DNAH14: variants seen among roughly 807,000 people sequenced by gnomAD.
DNAH14 encodes the protein axonemal beta dynein heavy chain 14.
A neutral mutation model predicts 520.9 loss-of-function variants in DNAH14; 478 were observed. The observed-to-expected ratio is 0.92, with a 90% CI of 0.85 to 0.99. DNAH14 has a LOEUF of 0.99. DNAH14 is among the 50% of genes least tolerant of loss of function. The probability of loss-of-function intolerance (pLI) is 0.00; values close to 1 mark genes in which losing one functional copy is unlikely to be tolerated. For missense variants in DNAH14, 4,831 were observed against 5,234.5 expected (o/e 0.92, Z 2.38); for synonymous variants, 1,581 against 1,757.2 (o/e 0.90, Z 2.51).
chr1:225,182,197 CATAAA>C (rs1436790103), intron 36 of DNAH14, among the ~76,000 whole-genome samples: 4 of 151,954 alleles, frequency 2.6e-5, no homozygotes, highest in African/African-American at 4.8e-5. Flanking sequence ...GACTTCATCT[CATAAA>C]ATAAAATAAA....
chr1:225,268,177 T>C (rs1450658591), intron 49 of DNAH14, among the ~76,000 whole-genome samples: 1 of 152,126 alleles, frequency 6.6e-6, no homozygotes, highest in African/African-American at 2.4e-5. Flanking sequence ...TCGTTTTGTT[T>C]TTAAATCAAT....
At chr1:224,930,408 T>C (rs1052452587) in intron 1 of DNAH14, among the ~76,000 whole-genome samples, 1 of 152,152 alleles carries the variant, frequency 6.6e-6, no homozygotes, top group African/African-American at 2.4e-5. Context: ...ACAGCGGTAG[T>C]CCCATAAGAT....
intron 48 of DNAH14, 35 bp from the exon 49 acceptor site, chr1:225,266,606 A>AAT: frequency 7.2e-7 from 1 of 1,389,770 alleles, no homozygotes; most frequent in Middle Eastern, 1.9e-4. Flanking sequence ...AAGGTGTACT[A>AAT]ATATATATGT....
chr1:225,194,555 T>C (rs564614045), intron 38 of DNAH14, among the ~76,000 whole-genome samples: 1 of 152,178 alleles, frequency 6.6e-6, no homozygotes, highest in East Asian at 1.9e-4. Context: ...ATGATTTACA[T>C]GTAAAACTTG....
chr1:225,045,650 G>A (rs2067891292), intron 15 of DNAH14, among the ~76,000 whole-genome samples: 1 of 151,994 alleles, frequency 6.6e-6, no homozygotes, highest in African/African-American at 2.4e-5. Context: ...ATGAGTTTGA[G>A]GATATACATC....
At position 225,270,753 on chromosome 1, in the gene DNAH14, A is replaced by G. The variant is rs1235191561; in HGVS notation, c.7558A>G (p.Ile2520Val). 3.9e-6 allele frequency: 6 copies of G among 1,551,322 alleles called. No individual in the cohort carries two copies. The South Asian group carries it at 7.1e-5, about 18-fold the overall frequency. ...ATCACAGAATATTCAAGATCTGTCT[A>G]TAGTTGCAGCTTGTGTTCCAGTTGT... ...NTWKNIQDLSIVAACVPVVND... is the reference protein window; with the variant it reads ...NTWKNIQDLSVVAACVPVVND... The change falls in exon 50 of 86, where the codon ATA becomes GTA. Residue 2520 changes from isoleucine (I) to valine (V), a missense_variant. Transcript: ENST00000682510.
chr1:225,113,610 A>G (rs76190569), intron 23 of DNAH14, among the ~76,000 whole-genome samples: 1,669 of 152,310 alleles, frequency 0.011, 17 homozygotes, highest in Non-Finnish European at 0.016. Flanking sequence ...CAGAGATGCC[A>G]TCTGGGAACC....
intron 36 of DNAH14, among the ~76,000 whole-genome samples, chr1:225,180,944 A>T (rs1201523854): frequency 6.6e-6 from 1 of 152,160 alleles, no homozygotes; most frequent in Non-Finnish European, 1.5e-5. Context: ...AACATAGTAC[A>T]CAATAGGAAT....
intron 58 of DNAH14, among the ~76,000 whole-genome samples, chr1:225,306,612 C>G (rs1558328972): frequency 6.6e-6 from 1 of 152,102 alleles, no homozygotes. Flanking sequence ...TCAGTATGAC[C>G]AGTCCCTATC....
intron 79 of DNAH14, 103 bp from the exon 80 acceptor site, chr1:225,380,056 A>T (rs1575115575): frequency 7.9e-7 from 1 of 1,257,900 alleles, no homozygotes; most frequent in Non-Finnish European, 1.1e-6. Flanking sequence ...AACACTAAAC[A>T]TATTCCTCCT....
chr1:225,205,474 C>A (rs962547038), intron 39 of DNAH14, among the ~76,000 whole-genome samples: 55 of 152,168 alleles, frequency 3.6e-4, no homozygotes, highest in African/African-American at 1.3e-3. Context: ...ATAAGCTACC[C>A]AGTCTAAGGC....
chr1:225,174,619 A>G lies in DNAH14; in HGVS notation c.5535+6591A>G, dbSNP rs77680343. Among the ~76,000 whole-genome samples, 761 of 152,318 alleles carry G rather than the reference A, an allele frequency of 5.0e-3. 6 individuals carry two copies. Among genetic ancestry groups the G allele is most frequent in the African/African-American group, 0.017 (718 of 41,574 alleles). On this transcript the variant is annotated intron_variant, in intron 36 of 85. Transcript: ENST00000682510. ...GTATAGATGATCATGTCATCTGCAA[A>G]CAGGACAGCTTAAATTTCTCCTTTC...
rs111941528 is a variant in DNAH14 at position 225,167,923 on chromosome 1, A to G, written c.5446-16A>G. On this transcript the variant is annotated splice_polypyrimidine_tract_variant and intron_variant, in intron 35 of 85. Coordinates refer to ENST00000682510, the MANE Select transcript of DNAH14 (RefSeq NM_001367479.1). ...TTTGCAATGCATTTTAAATTTATGT[A>G]TTTATTTCCTTTTAGAAAGTAATAT... The G allele has an allele frequency of 7.4e-4, 1,047 of 1,406,672 alleles. 8 individuals are homozygous for G. In the African/African-American group the frequency reaches 0.013, roughly 18 times the overall value. The allele number at this position is 1,406,672 out of a possible 1,614,324, so 87.1% of individuals were successfully genotyped here. A position where few individuals can be genotyped will look rare whatever the true frequency, so the allele number is the denominator to read the frequency against.
intron 55 of DNAH14, among the ~76,000 whole-genome samples, chr1:225,293,065 G>A (rs1171475004): frequency 6.6e-6 from 1 of 151,856 alleles, no homozygotes; most frequent in Non-Finnish European, 1.5e-5. Context: ...ACAATTATAT[G>A]TTAAAAAGCT....
At chr1:224,993,205 T>C (rs970708711) in intron 8 of DNAH14, among the ~76,000 whole-genome samples, 52 of 152,088 alleles carry the variant, frequency 3.4e-4, no homozygotes, top group African/African-American at 1.2e-3. Context: ...TGGATCATGA[T>C]AGTGCTGGGC....
At chr1:225,177,205 C>T (rs2149267957) in intron 36 of DNAH14, among the ~76,000 whole-genome samples, 1 of 152,218 alleles carries the variant, frequency 6.6e-6, no homozygotes, top group East Asian at 1.9e-4. Context: ...TTTGCCCCTG[C>T]CCTAGAGATT....
chr1:225,357,527 T>G lies in DNAH14; in HGVS notation c.11620-969T>G, dbSNP rs1408005839. 2.6e-5 allele frequency among the ~76,000 whole-genome samples: 4 copies of G among 152,326 alleles called. No homozygotes were observed. In the East Asian group the frequency reaches 7.7e-4, roughly 29 times the overall value. Reference sequence around the variant, plus strand: ...CTCAACGATTCTAACACTGTCTCACTAACTGGGTATTCTAAGTGAACTCTG... The same window carrying G: ...CTCAACGATTCTAACACTGTCTCACGAACTGGGTATTCTAAGTGAACTCTG... On this transcript the variant is annotated intron_variant, in intron 73 of 85. Transcript: ENST00000682510.
intron 15 of DNAH14, among the ~76,000 whole-genome samples, chr1:225,049,266 T>C (rs1004198335): frequency 5.3e-5 from 8 of 152,064 alleles, no homozygotes; most frequent in African/African-American, 1.9e-4. Context: ...TTTCACCATC[T>C]TGGCCATGTT....
intron 23 of DNAH14, among the ~76,000 whole-genome samples, chr1:225,102,976 C>G (rs1283456139): frequency 6.6e-6 from 1 of 152,120 alleles, no homozygotes; most frequent in Non-Finnish European, 1.5e-5. Flanking sequence ...TGCCTATGTC[C>G]TGAATGGTAT....
Sources: gnomAD v4.1 joint callset for allele counts (sites outside exome capture counted in the v4.1 genomes callset) on GRCh38, gnomAD v4.1.1 for gene constraint, MANE v1.5 for transcripts, NCBI Gene and HGNC (gene_info 2026-07-23, HGNC 2026-07-21) for gene names.